Variants in SLC6A5 observed in about 807,000 individuals in gnomAD.
SLC6A5 encodes sodium- and chloride-dependent glycine transporter 2.
In SLC6A5, 58 loss-of-function variants were observed where a neutral mutation model predicts 90.5. The observed-to-expected ratio is 0.64, with a 90% CI of 0.52 to 0.80. The LOEUF (loss-of-function observed/expected upper bound fraction) is 0.80, where lower values mean the gene tolerates loss of function less well. SLC6A5 is among the 30% of genes least tolerant of loss of function. The pLI is 0.00. For missense variants in SLC6A5, 1,015 were observed against 1,017.6 expected, an observed-to-expected ratio of 1.00 and a Z score of 0.03; for synonymous variants, 427 against 401.4, an observed-to-expected ratio of 1.06 and a Z score of -0.76.
chr11:20,603,809 A>G (rs894749), intron 2 of SLC6A5, among the ~76,000 whole-genome samples: 149,901 of 152,180 alleles, frequency 0.99, 73,875 homozygotes, highest in Middle Eastern at 1. Context: ...GCTGAGGAGG[A>G]GGTGTGGTGA....
rs1212798462 is a variant in SLC6A5 at position 20,655,703 on chromosome 11, A to G, written c.*835A>G. On this transcript the variant is annotated 3_prime_UTR_variant, in exon 16 of 16. Coordinates refer to ENST00000525748, the MANE Select transcript of SLC6A5 (RefSeq NM_004211.5). ...TACATGATATTTAGCACCATGGTTC[A>G]ATGTCACGATCCTGTGTTTCTTCTC... is the stretch of plus-strand genomic sequence containing the variant. 1 of 152,362 alleles carries G rather than the reference A, an allele frequency of 6.6e-6. No individual in the cohort carries two copies. Among genetic ancestry groups the G allele is most frequent in the East Asian group, 1.9e-4 (1 of 5,182 alleles). The allele number at this position is 152,362 out of a possible 1,614,324, so 9.4% of individuals were successfully genotyped here. A position where few individuals can be genotyped will look rare whatever the true frequency, so the allele number is the denominator to read the frequency against.
intron 4 of SLC6A5, 147 bp from the exon 5 acceptor site, chr11:20,607,332 A>G (rs981343083): frequency 8.5e-6 from 10 of 1,172,390 alleles, no homozygotes; most frequent in Middle Eastern, 2.6e-4. Context: ...ATGCCTTCAT[A>G]TCCCTGGTAG....
chr11:20,604,565 G>T (rs920412984), intron 3 of SLC6A5, 141 bp downstream of exon 3: 2 of 1,003,560 alleles, frequency 2.0e-6, no homozygotes, highest in Non-Finnish European at 1.5e-6. Flanking sequence ...CACCTCGTAG[G>T]CTTGAGTGCA....
chr11:20,658,621 A>C lies in SLC6A5; in HGVS notation c.*3753A>C, dbSNP rs1000088483. ...TTCCCAGATTTTGCTTTAATTGCCC[A>C]GAAAGGCCAAGTAGTTTTGAAATGT... On this transcript the variant is annotated 3_prime_UTR_variant, in exon 16 of 16. Coordinates refer to ENST00000525748, the MANE Select transcript of SLC6A5 (RefSeq NM_004211.5). 1 of 152,214 alleles carries C rather than the reference A, an allele frequency of 6.6e-6. No individual in the cohort carries two copies. Among genetic ancestry groups the C allele is most frequent in the African/African-American group, 2.4e-5 (1 of 41,468 alleles). The allele number at this position is 152,214 out of a possible 1,614,324, so 9.4% of individuals were successfully genotyped here. A position where few individuals can be genotyped will look rare whatever the true frequency, so the allele number is the denominator to read the frequency against.
At position 20,654,651 on chromosome 11, in the gene SLC6A5, C is replaced by T. The variant is rs781769985; in HGVS notation, c.2239-62C>T. 1.3e-4 allele frequency: 203 copies of T among 1,562,664 alleles called. 1 individual carries two copies. Among genetic ancestry groups the T allele is most frequent in the Admixed American group, 1.8e-4 (11 of 59,944 alleles). On this transcript the variant is annotated intron_variant, in intron 15 of 15. Transcript: ENST00000525748. ...ATAAGCAGTTTGGGGATGAGTGGGT[C>T]GTCCCCAGGTGAGGAAGGTGCACTA... is the stretch of plus-strand genomic sequence containing the variant.
chr11:20,631,349 C>A (rs1434980982), intron 10 of SLC6A5, among the ~76,000 whole-genome samples: 1 of 152,108 alleles, frequency 6.6e-6, no homozygotes, highest in Non-Finnish European at 1.5e-5. Context: ...CAGTTTTTTT[C>A]CCCAGTGGGT....
intron 7 of SLC6A5, among the ~76,000 whole-genome samples, chr11:20,621,201 T>TG (rs1273174468): frequency 6.6e-6 from 1 of 152,160 alleles, no homozygotes; most frequent in South Asian, 2.1e-4. Flanking sequence ...TTTCATATAG[T>TG]GGGGGAAAAA....
At chr11:20,623,932 C>A (rs576515230) in intron 7 of SLC6A5, among the ~76,000 whole-genome samples, 1 of 152,168 alleles carries the variant, frequency 6.6e-6, no homozygotes, top group East Asian at 1.9e-4. Flanking sequence ...CCACATATCA[C>A]CTTCTAATAT....
At position 20,654,868 on chromosome 11, in the gene SLC6A5, G is replaced by A. The variant is rs756765296; in HGVS notation, c.2394G>A (p.Ter798=). The stretch of plus-strand genomic sequence containing the variant: ...ATTTGGAACTGGGCACTCAGTGCTA[G>A]TCCAGTGGTGTGGGATGGTCCAGAC... ...VKDLELGTQC[*] Residue 798 remains the stop codon, a stop_retained_variant, in exon 16 of 16, where the codon TAG becomes TAA. Coordinates refer to ENST00000525748, the MANE Select transcript of SLC6A5 (RefSeq NM_004211.5). 1.2e-6 allele frequency: 2 copies of A among 1,614,148 alleles called. No individual in the cohort carries two copies. The highest frequency in any genetic ancestry group is 2.2e-5 in the South Asian group (2 of 91,078).
chr11:20,618,436 T>C (rs1852824856), intron 7 of SLC6A5, among the ~76,000 whole-genome samples: 1 of 152,174 alleles, frequency 6.6e-6, no homozygotes, highest in African/African-American at 2.4e-5. Context: ...TAAAGGAAGA[T>C]GGTCCTGCCC....
chr11:20,601,427 A>G lies in SLC6A5; in HGVS notation c.302A>G (p.Gln101Arg), dbSNP rs761485033. 9 of 1,606,192 alleles carry G rather than the reference A, an allele frequency of 5.6e-6. No homozygotes were observed. In the South Asian group the frequency reaches 8.9e-5, roughly 16 times the overall value. ...GCTCTGCGGGACTTGAGAGAGGCGC[A>G]AGGCGCGCAGGCCTCGCCCCCTCCC... ...SAALRDLREA[Q>R]GAQASPPPGS... Residue 101 changes from glutamine to arginine, a missense_variant, in exon 2 of 16, where the codon CAA (glutamine) becomes CGA (arginine). By Grantham distance (43) the Gln-to-Arg change is conservative. Transcript: ENST00000525748.
chr11:20,644,964 A>T (rs1853383338), intron 13 of SLC6A5, among the ~76,000 whole-genome samples: 1 of 150,676 alleles, frequency 6.6e-6, no homozygotes, highest in African/African-American at 2.5e-5. Context: ...GGCATGCGTC[A>T]CCATGCCCGG....
rs1853635274 is a variant in SLC6A5 at position 20,656,213 on chromosome 11, A to T, written c.*1345A>T. On this transcript the variant is annotated 3_prime_UTR_variant, in exon 16 of 16. Transcript: ENST00000525748. Reference sequence around the variant, plus strand: ...ATATATGAAATTTTTAAAATGTGACATGTGTTCATGTAGTGTGTACTTGTA... The same window carrying T: ...ATATATGAAATTTTTAAAATGTGACTTGTGTTCATGTAGTGTGTACTTGTA... 1 of 152,212 alleles carries T rather than the reference A, an allele frequency of 6.6e-6. No homozygotes were observed. The highest frequency in any genetic ancestry group is 1.5e-5 in the Non-Finnish European group (1 of 68,032). The allele number at this position is 152,212 out of a possible 1,614,324, so 9.4% of individuals were successfully genotyped here.
chr11:20,628,492 C>T (rs1853045647), intron 9 of SLC6A5, among the ~76,000 whole-genome samples: 1 of 152,214 alleles, frequency 6.6e-6, no homozygotes, highest in South Asian at 2.1e-4. Flanking sequence ...ATATCAGTCA[C>T]ATTGGATCAG....
chr11:20,604,431 C>G lies in SLC6A5; in HGVS notation c.679+7C>G. The G allele has an allele frequency of 6.2e-7, 1 of 1,612,868 alleles. No individual in the cohort carries two copies. Among genetic ancestry groups the G allele is most frequent in the Non-Finnish European group, 8.5e-7 (1 of 1,179,558 alleles). On this transcript the variant is annotated splice_region_variant and intron_variant, in intron 3 of 15. Coordinates refer to ENST00000525748, the MANE Select transcript of SLC6A5 (RefSeq NM_004211.5). Reference sequence around the variant, plus strand: ...GCCTTCCAGAACGGGGGAGGTATGGCTTTTCCGCTCTTTCCGCCTGCGGCG... The same window carrying G: ...GCCTTCCAGAACGGGGGAGGTATGGGTTTTCCGCTCTTTCCGCCTGCGGCG...
chr11:20,632,878 A>G (rs1399363603), intron 10 of SLC6A5, among the ~76,000 whole-genome samples: 1 of 152,170 alleles, frequency 6.6e-6, no homozygotes, highest in Non-Finnish European at 1.5e-5. Context: ...GGTTCTCTTT[A>G]ATGACCTAAC....
intron 14 of SLC6A5, among the ~76,000 whole-genome samples, chr11:20,649,889 G>A (rs1164901243): frequency 1.3e-5 from 2 of 152,172 alleles, no homozygotes; most frequent in Non-Finnish European, 2.9e-5. Flanking sequence ...TTAAAAAGGG[G>A]CCTAGAGTAG....
At chr11:20,604,179 T>C in intron 2 of SLC6A5, 107 bp from the exon 3 acceptor site, 2 of 1,399,162 alleles carry the variant, frequency 1.4e-6, no homozygotes, top group Non-Finnish European at 1.9e-6. Context: ...GGTTGAGAAG[T>C]GGGAGCCTGC....
At chr11:20,624,314 C>G (rs1419809734) in intron 7 of SLC6A5, among the ~76,000 whole-genome samples, 1 of 151,860 alleles carries the variant, frequency 6.6e-6, no homozygotes, top group Non-Finnish European at 1.5e-5. Context: ...CCACCATGCC[C>G]GGTTAATTTT....
Sources: gnomAD v4.1 joint callset for allele counts (sites outside exome capture counted in the v4.1 genomes callset) on GRCh38, gnomAD v4.1.1 for gene constraint, MANE v1.5 for transcripts, NCBI Gene and HGNC (gene_info 2026-07-23, HGNC 2026-07-21) for gene names.